Variants in NRG3 observed in about 807,000 individuals in gnomAD.
The protein encoded by NRG3 is neuregulin 3.
In NRG3, 31 loss-of-function variants were observed where a neutral mutation model predicts 66.9. That is an observed-to-expected ratio of 0.46 (90% CI 0.35 to 0.63). NRG3 has a LOEUF of 0.63. NRG3 is among the 20% of genes least tolerant of loss of function. The pLI, the probability that NRG3 is intolerant of heterozygous loss-of-function variation, is 0.00. For missense variants in NRG3, 910 were observed against 878.9 expected (o/e 1.04, Z -0.45); for synonymous variants, 393 against 359.4 (o/e 1.09, Z -1.06).
chr10:81,965,149 T>C (rs1274271568), intron 1 of NRG3, among the ~76,000 whole-genome samples: 1 of 152,198 alleles, frequency 6.6e-6, no homozygotes, highest in Non-Finnish European at 1.5e-5. Flanking sequence ...TAAAGGTCCA[T>C]CCTAGGCCAT....
intron 2 of NRG3, among the ~76,000 whole-genome samples, chr10:82,517,671 ATGTG>A (rs140575448): frequency 0.012 from 1,550 of 132,946 alleles, 19 homozygotes; most frequent in African/African-American, 0.034. Context: ...GTGTGTGTGC[ATGTG>A]TGTGTGTGTG....
chr10:82,763,379 G>C (rs2059399050), intron 3 of NRG3, among the ~76,000 whole-genome samples: 1 of 152,006 alleles, frequency 6.6e-6, no homozygotes, highest in African/African-American at 2.4e-5. Context: ...TATTTGAAAA[G>C]TACTTTCCTC....
At chr10:82,144,405 C>A (rs1197569227) in intron 1 of NRG3, among the ~76,000 whole-genome samples, 1 of 152,156 alleles carries the variant, frequency 6.6e-6, no homozygotes, top group Non-Finnish European at 1.5e-5. Context: ...CCCAGGAGTC[C>A]TGACCTGTGT....
chr10:82,300,833 C>T (rs914299377), intron 1 of NRG3, among the ~76,000 whole-genome samples: 1 of 151,896 alleles, frequency 6.6e-6, no homozygotes, highest in Non-Finnish European at 1.5e-5. Context: ...CACACAAAAA[C>T]ACCTTTCAGC....
chr10:82,976,694 G>C (rs1277828183), intron 7 of NRG3, among the ~76,000 whole-genome samples: 1 of 152,154 alleles, frequency 6.6e-6, no homozygotes, highest in African/African-American at 2.4e-5. Context: ...TATGTCCTCT[G>C]GTTTCTGTGG....
At chr10:81,986,143 G>T (rs1428839710) in intron 1 of NRG3, among the ~76,000 whole-genome samples, 1 of 152,148 alleles carries the variant, frequency 6.6e-6, no homozygotes, top group Non-Finnish European at 1.5e-5. Context: ...ATTGTGAGAT[G>T]AAGCCAGGAA....
At chr10:82,858,906 C>T (rs538658171) in intron 3 of NRG3, among the ~76,000 whole-genome samples, 2 of 150,364 alleles carry the variant, frequency 1.3e-5, no homozygotes, top group South Asian at 4.2e-4. Context: ...ATTCTTGCAG[C>T]AGAGAAGCCC....
rs974965220 is a variant in NRG3, at chr10:82,962,155, C to A, written c.1284+3080C>A. On this transcript the variant is annotated intron_variant, in intron 6 of 8. Transcript: ENST00000372141. ...AAGGCTGCAGAACTGGAGTAGATTACCCTCCCTGAGAAGCATCTAGTCCCT... is the reference window on the plus strand; with the variant it reads ...AAGGCTGCAGAACTGGAGTAGATTAACCTCCCTGAGAAGCATCTAGTCCCT... Among the ~76,000 whole-genome samples, 6 of 152,146 alleles carry A rather than the reference C, an allele frequency of 3.9e-5. No homozygotes were observed. In the East Asian group the frequency reaches 9.6e-4, roughly 24 times the overall value.
intron 1 of NRG3, among the ~76,000 whole-genome samples, chr10:81,927,934 GA>G (rs942177507): frequency 3.3e-5 from 5 of 152,086 alleles, no homozygotes; most frequent in Non-Finnish European, 7.4e-5. Flanking sequence ...GTAGCAATAA[GA>G]TACCAAATTC....
intron 2 of NRG3, among the ~76,000 whole-genome samples, chr10:82,700,958 C>A (rs748481235): frequency 4.0e-5 from 6 of 151,818 alleles, no homozygotes; most frequent in Non-Finnish European, 7.4e-5. Context: ...GCCTTCTGAG[C>A]CTGAATTTTC....
At chr10:82,110,021 C>T (rs1301602317) in intron 1 of NRG3, among the ~76,000 whole-genome samples, 1 of 152,138 alleles carries the variant, frequency 6.6e-6, no homozygotes, top group East Asian at 1.9e-4. Context: ...GAAACAACAA[C>T]AGTCAAATTC....
chr10:82,408,121 AAGAAAGAAAG>A (rs746818506), intron 2 of NRG3, among the ~76,000 whole-genome samples: 13 of 143,546 alleles, frequency 9.1e-5, no homozygotes, highest in East Asian at 2.3e-4. Flanking sequence ...GAAAGAAAGA[AAGAAAGAAAG>A]AAAGAAAGAA....
chr10:82,542,185 G>C lies in NRG3; in HGVS notation c.953+183317G>C, dbSNP rs191179244. ...GAGAACATGTGGTGTTTGGTGTTCT[G>C]TTCCTGTATTAGTTTGCTGAGGATG... On this transcript the variant is annotated intron_variant, in intron 2 of 8. Coordinates refer to ENST00000372141, the MANE Select transcript of NRG3 (RefSeq NM_001010848.4). Among the ~76,000 whole-genome samples, 252 of 152,184 alleles carry C rather than the reference G, an allele frequency of 1.7e-3. 1 individual carries two copies. The highest frequency in any genetic ancestry group is 5.7e-3 in the African/African-American group (236 of 41,516).
intron 1 of NRG3, among the ~76,000 whole-genome samples, chr10:81,897,992 A>C (rs990326786): frequency 6.6e-6 from 1 of 152,190 alleles, no homozygotes; most frequent in Non-Finnish European, 1.5e-5. Context: ...TAGACCAATC[A>C]GTCTCTTTTT....
At chr10:82,977,641 A>G (rs1392394924) in intron 7 of NRG3, among the ~76,000 whole-genome samples, 1 of 151,866 alleles carries the variant, frequency 6.6e-6, no homozygotes, top group Non-Finnish European at 1.5e-5. Flanking sequence ...TGAAGGTATA[A>G]CAATGAATGT....
intron 3 of NRG3, among the ~76,000 whole-genome samples, chr10:82,863,786 C>T (rs566684839): frequency 2.0e-5 from 3 of 152,290 alleles, no homozygotes; most frequent in East Asian, 1.9e-4. Context: ...ATCCAGTGCA[C>T]ATTTTCTGCT....
chr10:82,511,362 C>A (rs1398267243), intron 2 of NRG3, among the ~76,000 whole-genome samples: 2 of 152,206 alleles, frequency 1.3e-5, no homozygotes, highest in African/African-American at 4.8e-5. Context: ...CAGCTTATCA[C>A]TTAAAATCAA....
intron 4 of NRG3, among the ~76,000 whole-genome samples, chr10:82,922,553 A>G (rs183711416): frequency 2.6e-5 from 4 of 152,292 alleles, no homozygotes; most frequent in Admixed American, 2.6e-4. Context: ...CCTCATCTTG[A>G]TAAACAGACG....
intron 3 of NRG3, among the ~76,000 whole-genome samples, chr10:82,761,950 T>TTCTC (rs1190308765): frequency 1.4e-5 from 2 of 147,426 alleles, no homozygotes; most frequent in Non-Finnish European, 3.0e-5. Flanking sequence ...CTTTCTTTCT[T>TTCTC]TCTTTCTTTC....
Sources: gnomAD v4.1 joint callset for allele counts (sites outside exome capture counted in the v4.1 genomes callset) on GRCh38, gnomAD v4.1.1 for gene constraint, MANE v1.5 for transcripts, NCBI Gene and HGNC (gene_info 2026-07-23, HGNC 2026-07-21) for gene names.